Variants in PAMR1 observed in about 807,000 individuals in gnomAD.
The protein encoded by PAMR1 is peptidase domain containing associated with muscle regeneration 1, also known as inactive serine protease PAMR1.
PAMR1 carries 88 observed loss-of-function variants against 81.8 expected under a neutral mutation model. The observed-to-expected ratio is 1.08, with a 90% CI of 0.91 to 1.28. PAMR1 has a LOEUF of 1.28. Among genes scored for constraint, PAMR1 ranks in the 50% most tolerant of loss-of-function variants. The pLI, the probability that PAMR1 is intolerant of heterozygous loss-of-function variation, is 0.00. For synonymous variants in PAMR1, 336 were observed against 345.3 expected (o/e 0.97, Z 0.30); for missense variants, 935 against 919.7 (o/e 1.02, Z -0.21).
intron 1 of PAMR1, among the ~76,000 whole-genome samples, chr11:35,497,212 G>A (rs1372254538): frequency 6.6e-6 from 1 of 152,024 alleles, no homozygotes; most frequent in Non-Finnish European, 1.5e-5. Flanking sequence ...TAAAAAATGA[G>A]GTACGTGCAT....
intron 8 of PAMR1, 116 bp from the exon 9 acceptor site, chr11:35,436,251 C>A: frequency 6.1e-6 from 4 of 660,760 alleles, no homozygotes; most frequent in Non-Finnish European, 1.1e-5. Flanking sequence ...CAGAAAAAAT[C>A]TCTGTCTCTG....
intron 1 of PAMR1, among the ~76,000 whole-genome samples, chr11:35,522,189 T>C (rs1294216416): frequency 1.3e-5 from 2 of 152,212 alleles, no homozygotes; most frequent in African/African-American, 2.4e-5. Flanking sequence ...CCCAAAGTGC[T>C]GGGATTATAG....
chr11:35,435,036 AG>A (rs1358019050), intron 9 of PAMR1, among the ~76,000 whole-genome samples: 1 of 152,198 alleles, frequency 6.6e-6, no homozygotes, highest in Non-Finnish European at 1.5e-5. Context: ...TTCTGATCCC[AG>A]GCACTTACTA....
In PAMR1 at chr11:35,440,755, T is replaced by G. The variant is rs115385334; in HGVS notation, c.1033+726A>C. On this transcript the variant is annotated intron_variant, in intron 7 of 10. Coordinates refer to ENST00000619888, the MANE Select transcript of PAMR1 (RefSeq NM_001001991.3). ...CTACATATTTAAGTTTACCCCTTGA[T>G]TCCCAGATTGCCTCACTTTGAGTTT... Among the ~76,000 whole-genome samples, 118 of 152,312 alleles carry G rather than the reference T, an allele frequency of 7.7e-4. 1 individual carries two copies. Among genetic ancestry groups the G allele is most frequent in the African/African-American group, 2.7e-3 (113 of 41,580 alleles).
chr11:35,451,912 T>C (rs934057953), intron 6 of PAMR1: 1 of 702,614 alleles, frequency 1.4e-6, no homozygotes, highest in Non-Finnish European at 2.6e-6. Context: ...TCTGACGCCT[T>C]GATCTTGGAC....
intron 1 of PAMR1, among the ~76,000 whole-genome samples, chr11:35,511,829 G>A (rs1851077528): frequency 6.6e-6 from 1 of 152,074 alleles, no homozygotes; most frequent in Non-Finnish European, 1.5e-5. Context: ...TCTGACCACC[G>A]GCTCCATGGG....
At chr11:35,506,195 T>C (rs1850951471) in intron 1 of PAMR1, among the ~76,000 whole-genome samples, 1 of 151,840 alleles carries the variant, frequency 6.6e-6, no homozygotes, top group Non-Finnish European at 1.5e-5. Context: ...CATTTTAACT[T>C]TTTGTTGTCT....
At chr11:35,525,956 C>A, upstream of PAMR1, 1 of 262,624 alleles carries the variant, frequency 3.8e-6, no homozygotes, top group Non-Finnish European at 7.4e-6. Flanking sequence ...AGCAGAGGTA[C>A]CCAGGGCTGC....
chr11:35,489,884 C>T lies in PAMR1; in HGVS notation c.379+2161G>A, dbSNP rs115032959. Among the ~76,000 whole-genome samples the T allele has an allele frequency of 9.0e-3, 1,366 of 152,312 alleles. 14 individuals carry two copies. Among genetic ancestry groups the T allele is most frequent in the African/African-American group, 0.03 (1,265 of 41,574 alleles). On this transcript the variant is annotated intron_variant, in intron 3 of 10. Coordinates refer to ENST00000619888, the MANE Select transcript of PAMR1 (RefSeq NM_001001991.3). ...CTACTTCACCACTCTTCCTTGGTTC[C>T]CCACTGCACTTGCAATAGCATCTAA...
Position 35,513,784 on chromosome 11 carries a change from C to A in PAMR1, c.73+11729G>T, listed in dbSNP as rs113268683. ...GGGATGCTTGCTTAAAAGTCTTATT[C>A]CTGGACCACAGTCCAGACATCTTCC... On this transcript the variant is annotated intron_variant, in intron 1 of 10. Transcript: ENST00000619888. 8.4e-3 allele frequency among the ~76,000 whole-genome samples: 1,277 copies of A among 152,296 alleles called. 15 individuals carry two copies. Among genetic ancestry groups the A allele is most frequent in the African/African-American group, 0.029 (1,218 of 41,556 alleles).
intron 10 of PAMR1, among the ~76,000 whole-genome samples, chr11:35,433,769 TAGAC>T (rs372973958): frequency 7.2e-5 from 10 of 138,094 alleles, no homozygotes; most frequent in South Asian, 2.3e-4. Context: ...GATGGATGGA[TAGAC>T]GGATGGATGG....
In PAMR1 at chr11:35,470,822, T is replaced by G. The variant is rs1295225243; in HGVS notation, c.495-4A>C. 1.9e-6 allele frequency: 3 copies of G among 1,610,592 alleles called. No homozygotes were observed. Among genetic ancestry groups the G allele is most frequent in the Non-Finnish European group, 2.5e-6 (3 of 1,177,004 alleles). The stretch of plus-strand genomic sequence containing the variant: ...CTCCAGGCTCAACATGACAAATCTG[T>G]GGGTGGACAGGGTGACGGAGGGAAG... On this transcript the variant is annotated splice_region_variant and splice_polypyrimidine_tract_variant and intron_variant, in intron 4 of 10. Transcript: ENST00000619888.
intron 3 of PAMR1, among the ~76,000 whole-genome samples, chr11:35,478,873 G>A (rs1850330646): frequency 6.6e-6 from 1 of 152,018 alleles, no homozygotes; most frequent in African/African-American, 2.4e-5. Flanking sequence ...TGTGTGTAGT[G>A]ATATCTGTCA....
chr11:35,468,207 T>G (rs878857952), intron 5 of PAMR1, 99 bp from the exon 6 acceptor site: 1 of 666,028 alleles, frequency 1.5e-6, no homozygotes, highest in South Asian at 2.1e-5. Context: ...TATTAAAGTC[T>G]TCTTGCAATG....
intron 1 of PAMR1, among the ~76,000 whole-genome samples, chr11:35,512,823 T>A (rs1025598158): frequency 7.9e-5 from 12 of 152,124 alleles, no homozygotes; most frequent in African/African-American, 2.9e-4. Context: ...CGAGACCCCA[T>A]CTTTTAAAAA....
chr11:35,440,057 A>T (rs1415358574), intron 7 of PAMR1, among the ~76,000 whole-genome samples: 1 of 152,242 alleles, frequency 6.6e-6, no homozygotes, highest in Non-Finnish European at 1.5e-5. Context: ...AACATAGCCC[A>T]CATGGGGAAT....
chr11:35,449,334 G>A (rs899402538), intron 6 of PAMR1, among the ~76,000 whole-genome samples: 5 of 152,178 alleles, frequency 3.3e-5, no homozygotes, highest in Admixed American at 2.6e-4. Flanking sequence ...AACTAAGTGT[G>A]TTGAACAGGA....
intron 3 of PAMR1, among the ~76,000 whole-genome samples, chr11:35,489,145 AG>A (rs1850568955): frequency 6.6e-6 from 1 of 152,124 alleles, no homozygotes; most frequent in East Asian, 1.9e-4. Flanking sequence ...TAACAGCCAT[AG>A]GCATATCTCA....
chr11:35,508,732 TGGAACAC>T (rs879296505), intron 1 of PAMR1, among the ~76,000 whole-genome samples: 30,042 of 151,934 alleles, frequency 0.2, 3,100 homozygotes, highest in East Asian at 0.28. Context: ...TGTTCCCTTG[TGGAACAC>T]GTGGATACAA....
Sources: gnomAD v4.1 joint callset for allele counts (sites outside exome capture counted in the v4.1 genomes callset) on GRCh38, gnomAD v4.1.1 for gene constraint, MANE v1.5 for transcripts, NCBI Gene and HGNC (gene_info 2026-07-23, HGNC 2026-07-21) for gene names.